Variants in CCDC171 observed in about 807,000 individuals in gnomAD.
CCDC171 encodes the protein coiled-coil domain-containing protein 171.
A neutral mutation model predicts 168.2 loss-of-function variants in CCDC171; 177 were observed. The ratio of observed to expected loss-of-function variants is 1.05; its 90% CI spans 0.93 to 1.19. The LOEUF is 1.19. Among genes scored for constraint, CCDC171 ranks in the 50% most tolerant of loss-of-function variants. The pLI is 0.00. For synonymous variants in CCDC171, 687 were observed against 540.8 expected (o/e 1.27, Z -3.75); for missense variants, 1,991 against 1,539.0 (o/e 1.29, Z -4.91).
chr9:16,008,628 T>C (rs533714657), intron 3 of CCDC171, among the ~76,000 whole-genome samples: 38 of 152,316 alleles, frequency 2.5e-4, no homozygotes, highest in Non-Finnish European at 4.7e-4. Flanking sequence ...TCTTGCCATT[T>C]TGTAATTCTT....
chr9:15,598,594 G>A (rs547613691), intron 6 of CCDC171, among the ~76,000 whole-genome samples: 5 of 152,288 alleles, frequency 3.3e-5, no homozygotes, highest in African/African-American at 7.2e-5. Flanking sequence ...TGGAATAGGT[G>A]TGGTGTGGTG....
chr9:15,587,198 G>GT (rs748703541), intron 4 of CCDC171, among the ~76,000 whole-genome samples: 3 of 152,128 alleles, frequency 2.0e-5, no homozygotes, highest in Non-Finnish European at 4.4e-5. Context: ...ACTCTTTTGT[G>GT]TATCACCTGA....
chr9:15,687,817 T>C (rs1217973612), intron 10 of CCDC171, among the ~76,000 whole-genome samples: 1 of 152,054 alleles, frequency 6.6e-6, no homozygotes, highest in Non-Finnish European at 1.5e-5. Flanking sequence ...TTACCAAAAC[T>C]GGTTAAGAAG....
At chr9:16,040,185 C>T (rs1348669949), upstream of CCDC171, among the ~76,000 whole-genome samples, 3 of 152,190 alleles carry the variant, frequency 2.0e-5, no homozygotes, top group Non-Finnish European at 4.4e-5. Flanking sequence ...ACGCATACTC[C>T]ACCAGAGAGC....
At chr9:16,069,839 A>T in the CCDC171 span, among the ~76,000 whole-genome samples, 1 of 152,144 alleles carries the variant, frequency 6.6e-6, no homozygotes, top group Non-Finnish European at 1.5e-5. Flanking sequence ...AAAACATCAC[A>T]CACAAAAGAA....
intron 6 of CCDC171, among the ~76,000 whole-genome samples, chr9:16,023,603 C>T (rs1833217868): frequency 6.6e-6 from 1 of 152,276 alleles, no homozygotes; most frequent in South Asian, 2.1e-4. Flanking sequence ...TGCATGAAGT[C>T]CCTGAAGGAC....
chr9:15,986,464 G>A (rs556944997), intron 3 of CCDC171, among the ~76,000 whole-genome samples: 4 of 152,282 alleles, frequency 2.6e-5, no homozygotes, highest in African/African-American at 7.2e-5. Context: ...CTAATGCAGC[G>A]GGTGTAACAG....
At chr9:15,764,036 C>G (rs899462843) in intron 18 of CCDC171, among the ~76,000 whole-genome samples, 1 of 152,078 alleles carries the variant, frequency 6.6e-6, no homozygotes, top group African/African-American at 2.4e-5. Flanking sequence ...ACATTCTAAG[C>G]AGAGGAAACT....
intron 3 of CCDC171, among the ~76,000 whole-genome samples, chr9:15,990,719 G>A (rs1197243695): frequency 6.6e-6 from 1 of 152,138 alleles, no homozygotes; most frequent in Non-Finnish European, 1.5e-5. Flanking sequence ...CAAAATAAAG[G>A]GATGGAGGAA....
intron 8 of CCDC171, among the ~76,000 whole-genome samples, chr9:15,662,266 G>C (rs938703254): frequency 6.6e-6 from 1 of 152,110 alleles, no homozygotes; most frequent in African/African-American, 2.4e-5. Context: ...GACAGAGTGA[G>C]ACTCTGTCCC....
At chr9:15,762,552 T>A (rs1005741681) in intron 18 of CCDC171, among the ~76,000 whole-genome samples, 9 of 152,138 alleles carry the variant, frequency 5.9e-5, no homozygotes, top group Non-Finnish European at 1.2e-4. Context: ...TAAGAGTAGA[T>A]AGGAAACTGT....
At chr9:15,814,895 C>A (rs565681746) in intron 21 of CCDC171, among the ~76,000 whole-genome samples, 2 of 152,206 alleles carry the variant, frequency 1.3e-5, no homozygotes, top group East Asian at 3.9e-4. Flanking sequence ...ATATTGACAT[C>A]CTAATGGTTG....
At chr9:15,746,455 G>A (rs556027645) in intron 18 of CCDC171, among the ~76,000 whole-genome samples, 10 of 152,276 alleles carry the variant, frequency 6.6e-5, no homozygotes, top group African/African-American at 1.9e-4. Flanking sequence ...TAAGCAATGC[G>A]CATATTTAAT....
At chr9:15,948,897 C>A (rs1828755540) in intron 25 of CCDC171, among the ~76,000 whole-genome samples, 2 of 152,048 alleles carry the variant, frequency 1.3e-5, no homozygotes, top group Admixed American at 1.3e-4. Context: ...AGTCCTTGCC[C>A]ATGCCTATGT....
At chr9:15,819,999 C>T (rs1292934102) in intron 21 of CCDC171, among the ~76,000 whole-genome samples, 3 of 117,618 alleles carry the variant, frequency 2.6e-5, no homozygotes, top group African/African-American at 6.4e-5. Flanking sequence ...TGTCTCAGAC[C>T]ACAGTGCAAT....
chr9:15,747,400 A>C (rs2055373371), intron 18 of CCDC171, among the ~76,000 whole-genome samples: 1 of 152,174 alleles, frequency 6.6e-6, no homozygotes, highest in Admixed American at 6.5e-5. Flanking sequence ...TCAAGCTCGA[A>C]TAACGGGCAG....
chr9:15,766,890 G>A (rs914327112), intron 18 of CCDC171, among the ~76,000 whole-genome samples: 12 of 152,004 alleles, frequency 7.9e-5, no homozygotes, highest in Non-Finnish European at 1.0e-4. Context: ...TCAAACTCCC[G>A]GCCTCAAGCA....
the CCDC171 span, among the ~76,000 whole-genome samples, chr9:16,090,085 A>T: frequency 6.6e-6 from 1 of 152,212 alleles, no homozygotes; most frequent in African/African-American, 2.4e-5. Flanking sequence ...TACCCAAAGG[A>T]TTATAAATCA....
Position 15,951,144 on chromosome 9 carries a change from A to G in CCDC171, c.3754-20465A>G, listed in dbSNP as rs987493891. ...TAAAGCAAGTCCTGAGCGACCTACAAAGAGACTTAGACTCCTACACATTAA... is the reference window on the plus strand; with the variant it reads ...TAAAGCAAGTCCTGAGCGACCTACAGAGAGACTTAGACTCCTACACATTAA... On this transcript the variant is annotated intron_variant, in intron 25 of 25. Transcript: ENST00000380701. 2.7e-5 allele frequency among the ~76,000 whole-genome samples: 4 copies of G among 150,596 alleles called. No homozygotes were observed. The Admixed American group carries it at 2.7e-4, about 10-fold the overall frequency.
Sources: allele counts gnomAD v4.1 joint callset (sites outside exome capture counted in the v4.1 genomes callset), GRCh38; gene constraint gnomAD v4.1.1; transcripts MANE v1.5; gene names NCBI Gene and HGNC (gene_info 2026-07-23, HGNC 2026-07-21).